AKAP12: variants seen among roughly 807,000 people sequenced by gnomAD.
AKAP12 encodes A-kinase anchor protein 12.
In AKAP12, 32 loss-of-function variants were observed where a neutral mutation model predicts 79.9. The ratio of observed to expected loss-of-function variants is 0.40; its 90% CI spans 0.30 to 0.54. The LOEUF (loss-of-function observed/expected upper bound fraction) is 0.54. Ranked by LOEUF, AKAP12 falls within the 20% of genes least tolerant of loss-of-function variation. The pLI is 0.48. For missense variants in AKAP12, 2,074 were observed against 2,177.0 expected (o/e 0.95, Z 0.94); for synonymous variants, 808 against 857.0 (o/e 0.94, Z 1.00).
At chr6:151,271,576 C>A (rs142783486) in intron 2 of AKAP12, among the ~76,000 whole-genome samples, 2 of 152,204 alleles carry the variant, frequency 1.3e-5, no homozygotes, top group East Asian at 3.9e-4. Context: ...CCCACCTCGG[C>A]CTCCCAAAGT....
chr6:151,243,615 A>G (rs1251239096), intron 2 of AKAP12, among the ~76,000 whole-genome samples: 23 of 152,098 alleles, frequency 1.5e-4, no homozygotes, highest in Non-Finnish European at 7.4e-5. Context: ...CTTCTATTCA[A>G]TCTTTTGTAA....
At chr6:151,275,486 G>A (rs987369816) in intron 2 of AKAP12, among the ~76,000 whole-genome samples, 16 of 152,148 alleles carry the variant, frequency 1.1e-4, no homozygotes, top group African/African-American at 3.6e-4. Context: ...CCAAGAAGGT[G>A]GTCAACAAAA....
chr6:151,311,975 GGCT>G (rs1777115741), intron 3 of AKAP12, among the ~76,000 whole-genome samples: 1 of 152,194 alleles, frequency 6.6e-6, no homozygotes, highest in Admixed American at 6.5e-5. Context: ...CTCTGCAAGA[GGCT>G]GCTTTCTCTG....
In AKAP12 at chr6:151,356,243, A is replaced by G. The variant is rs1262950719; in HGVS notation, c.*529A>G. On this transcript the variant is annotated 3_prime_UTR_variant, in exon 5 of 5. Coordinates refer to ENST00000402676, the MANE Select transcript of AKAP12 (RefSeq NM_005100.4). The stretch of plus-strand genomic sequence containing the variant: ...ACCCACGAAAAACAGAGCCTCCTAG[A>G]TGTAACATTCCTGATCAAGGTACAA... 4 of 152,646 alleles carry G rather than the reference A, an allele frequency of 2.6e-5. No homozygotes were observed. Among genetic ancestry groups the G allele is most frequent in the Admixed American group, 2.6e-4 (4 of 15,282 alleles). The allele number at this position is 152,646 out of a possible 1,614,324, so 9.5% of individuals were successfully genotyped here. A position where few individuals can be genotyped will look rare whatever the true frequency, so the allele number is the denominator to read the frequency against.
chr6:151,344,281 C>T (rs1778027057), intron 3 of AKAP12, among the ~76,000 whole-genome samples: 1 of 152,082 alleles, frequency 6.6e-6, no homozygotes, highest in Non-Finnish European at 1.5e-5. Flanking sequence ...TGCTGATTAT[C>T]GAAGCTGTTA....
chr6:151,304,933 C>T (rs1391801054), intron 2 of AKAP12, among the ~76,000 whole-genome samples: 1 of 152,152 alleles, frequency 6.6e-6, no homozygotes, highest in Non-Finnish European at 1.5e-5. Flanking sequence ...GGGAGGATTG[C>T]AAATGACCAT....
At chr6:151,347,683 C>T (rs1778136568) in intron 3 of AKAP12, among the ~76,000 whole-genome samples, 1 of 152,238 alleles carries the variant, frequency 6.6e-6, no homozygotes, top group South Asian at 2.1e-4. Context: ...TCTGTAAGAT[C>T]TCACTTTATC....
chr6:151,339,472 G>A (rs1273243889), intron 3 of AKAP12, among the ~76,000 whole-genome samples: 1 of 152,150 alleles, frequency 6.6e-6, no homozygotes, highest in African/African-American at 2.4e-5. Context: ...TGGAGAGTTC[G>A]GAGAATTCCC....
At chr6:151,283,837 G>T (rs1776451271) in intron 2 of AKAP12, among the ~76,000 whole-genome samples, 2 of 152,138 alleles carry the variant, frequency 1.3e-5, no homozygotes, top group Non-Finnish European at 2.9e-5. Context: ...TTTTCCGTTG[G>T]CAAGTCCCGC....
At chr6:151,266,563 A>G (rs796721697) in intron 2 of AKAP12, among the ~76,000 whole-genome samples, 1 of 152,176 alleles carries the variant, frequency 6.6e-6, no homozygotes, top group African/African-American at 2.4e-5. Context: ...ATTATAAAGC[A>G]ATTTGGCAAC....
intron 2 of AKAP12, among the ~76,000 whole-genome samples, chr6:151,249,766 G>T (rs980522594): frequency 1.3e-5 from 2 of 152,048 alleles, no homozygotes; most frequent in African/African-American, 4.8e-5. Flanking sequence ...AATTTTTTCT[G>T]CTGTGTCTAT....
chr6:151,353,009 T>C lies in AKAP12; in HGVS notation c.4618T>C (p.Leu1540=). ...IEDLEPENGI[L]ELETKSSKLV... is the part of the protein sequence containing the mutation. Reference sequence around the variant, plus strand: ...GGATTTAGAGCCTGAAAATGGGATTTTGGAACTTGAGACCAAAAGCAGTAA... The same window carrying C: ...GGATTTAGAGCCTGAAAATGGGATTCTGGAACTTGAGACCAAAAGCAGTAA... Residue 1540 remains leucine, a synonymous_variant, in exon 4 of 5, where the codon TTG becomes CTG. Transcript: ENST00000402676. The C allele has an allele frequency of 6.2e-7, 1 of 1,614,100 alleles. No individual in the cohort carries two copies. The highest frequency in any genetic ancestry group is 8.5e-7 in the Non-Finnish European group (1 of 1,180,040).
chr6:151,268,630 TTTTG>T (rs893608881), intron 2 of AKAP12, among the ~76,000 whole-genome samples: 16 of 152,108 alleles, frequency 1.1e-4, no homozygotes, highest in Non-Finnish European at 2.1e-4. Flanking sequence ...ACTTGTGGTT[TTTTG>T]TTTGTTTGAG....
In AKAP12 at chr6:151,349,537, G is replaced by GGA; in HGVS notation, c.1148_1149dup (p.Gln384SerfsTer26). 3 of 1,611,866 alleles carry GGA rather than the reference G, an allele frequency of 1.9e-6. No homozygotes were observed. Among genetic ancestry groups the GGA allele is most frequent in the Non-Finnish European group, 2.5e-6 (3 of 1,179,412 alleles). On this transcript the variant is annotated frameshift_variant, in exon 4 of 5. Coordinates refer to ENST00000402676, the MANE Select transcript of AKAP12 (RefSeq NM_005100.4). LOFTEE classifies it high-confidence loss of function. ...ATGAGAAAGTTGAGCTGCCCTCAGA[G>GGA]GAGCAAGTCAGTGGCTCGCAGGGAC...
chr6:151,351,551 T>A lies in AKAP12; in HGVS notation c.3160T>A (p.Ser1054Thr), dbSNP rs141944450. The A allele has an allele frequency of 7.4e-6, 12 of 1,613,194 alleles. No homozygotes were observed. The highest frequency in any genetic ancestry group is 1.3e-5 in the African/African-American group (1 of 74,992). The change falls in exon 4 of 5, where the codon TCC becomes ACC. Residue 1054 changes from serine (S) to threonine (T), a missense_variant. Around this residue, in one of 3 missense-constraint regions of AKAP12, gnomAD observed 1,428 missense variants for 1,451.0 expected, o/e 0.98. Transcript: ENST00000402676. This position sits in a 1 kb window ranked among gnomAD's most constrained non-coding sequence, Gnocchi z 4.4. Reference protein sequence around the residue: ...QAVAEKVKEESQLPGTGGPED... With the variant: ...QAVAEKVKEETQLPGTGGPED... ...AGTGGCAGAAAAAGTGAAAGAGGAA[T>A]CCCAGCTGCCTGGCACCGGTGGGCC...
chr6:151,290,495 C>T (rs1776594078), intron 2 of AKAP12, among the ~76,000 whole-genome samples: 1 of 152,154 alleles, frequency 6.6e-6, no homozygotes, highest in African/African-American at 2.4e-5. Context: ...CAGATTGACC[C>T]CTGACAATGA....
chr6:151,245,542 G>A (rs77386734), intron 2 of AKAP12, among the ~76,000 whole-genome samples: 2,156 of 151,408 alleles, frequency 0.014, 66 homozygotes, highest in African/African-American at 0.05. Context: ...TGATCCACCC[G>A]GCTAAGGCAG....
Position 151,349,326 on chromosome 6 carries a change from G to A in AKAP12, c.935G>A (p.Ser312Asn). 1.9e-6 allele frequency: 3 copies of A among 1,614,002 alleles called. No individual in the cohort carries two copies. Among genetic ancestry groups the A allele is most frequent in the Non-Finnish European group, 2.5e-6 (3 of 1,179,984 alleles). Residue 312 changes from serine (S) to asparagine (N), a missense_variant, in exon 4 of 5, where the codon AGT becomes AAT. Physicochemically the swap from Ser to Asn is conservative, Grantham distance 46. Transcript: ENST00000402676. ...TGGGCCGGCTGGCGCAAAAAGACCA[G>A]TTTCAGGAAGCCGAAGGAGGATGAA... The part of the protein sequence containing the change: ...QGWAGWRKKT[S>N]FRKPKEDEVE...
At chr6:151,300,154 A>G (rs1040195362) in intron 2 of AKAP12, among the ~76,000 whole-genome samples, 1 of 152,188 alleles carries the variant, frequency 6.6e-6, no homozygotes, top group Admixed American at 6.5e-5. Flanking sequence ...AGGAGAAAAC[A>G]CAATGAAGAG....
Sources: gnomAD v4.1 joint callset for allele counts (sites outside exome capture counted in the v4.1 genomes callset) on GRCh38, gnomAD v4.1.1 for gene constraint, gnomAD v4.1.1 regional missense constraint, Gnocchi (gnomAD v3.1) non-coding constraint, MANE v1.5 for transcripts, NCBI Gene and HGNC (gene_info 2026-07-23, HGNC 2026-07-21) for gene names.